AKAP13: variants seen among roughly 807,000 people sequenced by gnomAD.
AKAP13 encodes A-kinase anchor protein 13.
AKAP13 carries 80 observed loss-of-function variants against 264.5 expected under a neutral mutation model. That is an observed-to-expected ratio of 0.30 (90% CI 0.25 to 0.36). The LOEUF is 0.36. Among genes scored for constraint, AKAP13 ranks in the 10% least tolerant of loss-of-function variants. AKAP13 has a pLI of 1.00. For missense variants in AKAP13, 3,712 were observed against 3,435.2 expected (o/e 1.08, Z -2.01); for synonymous variants, 1,380 against 1,250.2 (o/e 1.10, Z -2.19).
chr15:85,643,260 G>C (rs1184518588), intron 9 of AKAP13, among the ~76,000 whole-genome samples: 1 of 148,744 alleles, frequency 6.7e-6, no homozygotes, highest in Non-Finnish European at 1.5e-5. Flanking sequence ...TCTGCTACAA[G>C]ACAGTAAACT....
At chr15:85,540,310 C>T (rs2077541363) in intron 4 of AKAP13, among the ~76,000 whole-genome samples, 1 of 152,164 alleles carries the variant, frequency 6.6e-6, no homozygotes. Context: ...GCTTTCAGAG[C>T]CTTCCAGTTG....
At chr15:85,556,880 G>A (rs1031937746) in intron 5 of AKAP13, among the ~76,000 whole-genome samples, 1 of 152,164 alleles carries the variant, frequency 6.6e-6, no homozygotes, top group African/African-American at 2.4e-5. Context: ...TCTACCATAA[G>A]CACCTGTTTT....
At chr15:85,458,379 A>ATTG in intron 1 of AKAP13, among the ~76,000 whole-genome samples, 1 of 107,530 alleles carries the variant, frequency 9.3e-6, no homozygotes, top group Non-Finnish European at 1.7e-5. Context: ...CTTTTTTTGT[A>ATTG]TTTTTTGTTT....
chr15:85,670,882 G>C (rs1407943691), intron 14 of AKAP13: 2 of 152,176 alleles, frequency 1.3e-5, no homozygotes, highest in African/African-American at 2.4e-5. Context: ...GCAGGGCCTT[G>C]TGATGCTCAA....
At chr15:85,652,037 A>G (rs893510682) in intron 10 of AKAP13, among the ~76,000 whole-genome samples, 2 of 152,256 alleles carry the variant, frequency 1.3e-5, no homozygotes, top group Non-Finnish European at 2.9e-5. Flanking sequence ...AATAATGAGT[A>G]TAAGAATATT....
At chr15:85,392,360 T>C (rs1463129880) in intron 1 of AKAP13, among the ~76,000 whole-genome samples, 3 of 150,528 alleles carry the variant, frequency 2.0e-5, no homozygotes, top group African/African-American at 7.3e-5. Context: ...GTTCAAGTGA[T>C]TCTCCTGCCT....
At chr15:85,483,640 A>AAAAAAAAAC (rs2075423498) in intron 1 of AKAP13, among the ~76,000 whole-genome samples, 1 of 147,168 alleles carries the variant, frequency 6.8e-6, no homozygotes, top group Non-Finnish European at 1.5e-5. Context: ...CTCAAAAAAA[A>AAAAAAAAAC]AAAAAAAAAA....
At chr15:85,483,627 C>A (rs1363544187) in intron 1 of AKAP13, among the ~76,000 whole-genome samples, 2 of 46,706 alleles carry the variant, frequency 4.3e-5, no homozygotes, top group African/African-American at 1.3e-4. Flanking sequence ...AGCGAGACTC[C>A]GTCTCAAAAA....
At chr15:85,552,617 G>C (rs1277126224) in intron 5 of AKAP13, among the ~76,000 whole-genome samples, 1 of 134,358 alleles carries the variant, frequency 7.4e-6, no homozygotes, top group Non-Finnish European at 1.6e-5. Context: ...ATTTATCATC[G>C]TTTTTTTGGC....
chr15:85,646,104 C>G (rs1318146181), intron 10 of AKAP13, 150 bp downstream of exon 10: 3 of 940,688 alleles, frequency 3.2e-6, no homozygotes, highest in Middle Eastern at 3.5e-4. Context: ...ATCCAGCTAG[C>G]CTTGTAGGGC....
At position 85,693,351 on chromosome 15, in the gene AKAP13, T is replaced by C; in HGVS notation, c.5364T>C (p.Thr1788=). The C allele has an allele frequency of 6.2e-7, 1 of 1,613,880 alleles. No individual in the cohort carries two copies. The highest frequency in any genetic ancestry group is 8.5e-7 in the Non-Finnish European group (1 of 1,179,944). Residue 1788 remains threonine (T), a synonymous_variant, in exon 17 of 37, where the codon ACT becomes ACC. Coordinates refer to ENST00000394518, the MANE Select transcript of AKAP13 (RefSeq NM_007200.5). The part of the protein sequence containing the change: ...DSKDKEKDKK[T]VNGHTFSSIP... ...AAGACAAGGAGAAAGATAAGAAGACTGTCAACGGGCACACTTTCAGTTCCA... is the reference window on the plus strand; with the variant it reads ...AAGACAAGGAGAAAGATAAGAAGACCGTCAACGGGCACACTTTCAGTTCCA...
At position 85,722,279 on chromosome 15, in the gene AKAP13, T is replaced by C. The variant is rs777668932; in HGVS notation, c.6428T>C (p.Ile2143Thr). Residue 2143 changes from isoleucine to threonine, a missense_variant, in exon 25 of 37, where the codon ATA becomes ACA. Around this residue, in one of 3 missense-constraint regions of AKAP13, gnomAD observed 342 missense variants for 484.3 expected, o/e 0.71. Transcript: ENST00000394518. ...AGAAGGCTTGGAATTCCAGAGTGCATATTGCTTGTAACTCAGCGGATTACC... is the reference window on the plus strand; with the variant it reads ...AGAAGGCTTGGAATTCCAGAGTGCACATTGCTTGTAACTCAGCGGATTACC... The part of the protein sequence containing the change: ...VVRRLGIPEC[I>T]LLVTQRITKY... 1.9e-6 allele frequency: 3 copies of C among 1,613,754 alleles called. No homozygotes were observed. The highest frequency in any genetic ancestry group is 3.3e-5 in the Admixed American group (2 of 59,930).
At chr15:85,452,840 C>A (rs544897123) in intron 1 of AKAP13, among the ~76,000 whole-genome samples, 3 of 152,312 alleles carry the variant, frequency 2.0e-5, no homozygotes, top group Admixed American at 1.3e-4. Flanking sequence ...ACATCCAGTA[C>A]AGCTCTGGGG....
chr15:85,650,783 A>AC (rs2082786576), intron 10 of AKAP13, among the ~76,000 whole-genome samples: 3 of 142,260 alleles, frequency 2.1e-5, no homozygotes, highest in East Asian at 4.2e-4. Flanking sequence ...AAAAAAAAAA[A>AC]AAAAAAACAA....
At chr15:85,686,698 C>T (rs1044674442) in intron 16 of AKAP13, among the ~76,000 whole-genome samples, 3 of 152,020 alleles carry the variant, frequency 2.0e-5, no homozygotes, top group African/African-American at 7.3e-5. Flanking sequence ...AGAGCCTTAC[C>T]TTTTTTACTT....
At chr15:85,433,490 C>A (rs1260342166) in intron 1 of AKAP13, among the ~76,000 whole-genome samples, 6 of 152,136 alleles carry the variant, frequency 3.9e-5, no homozygotes, top group Non-Finnish European at 5.9e-5. Flanking sequence ...GATACCACCT[C>A]ACATTCAGTG....
rs965295881 is a variant in AKAP13, at chr15:85,515,524, C to T, written c.34-5904C>T. Among the ~76,000 whole-genome samples the T allele has an allele frequency of 5.8e-5, 8 of 138,752 alleles. 1 individual carries two copies. Among genetic ancestry groups the T allele is most frequent in the African/African-American group, 2.9e-5 (1 of 34,614 alleles). The allele number at this position is 138,752 out of a possible 152,430, so 91.0% of individuals were successfully genotyped here. A position where few individuals can be genotyped will look rare whatever the true frequency, so the allele number is the denominator to read the frequency against. On this transcript the variant is annotated intron_variant, in intron 2 of 36. Coordinates refer to ENST00000394518, the MANE Select transcript of AKAP13 (RefSeq NM_007200.5). The stretch of plus-strand genomic sequence containing the variant: ...CTCATTCAGATTTTGCAAGTTGTCC[C>T]GATAATATCCTTAATAGCAGCTTGT...
At chr15:85,443,337 T>C (rs1185380729) in intron 1 of AKAP13, among the ~76,000 whole-genome samples, 4 of 152,184 alleles carry the variant, frequency 2.6e-5, no homozygotes, top group African/African-American at 9.7e-5. Flanking sequence ...GCTTAGAGTT[T>C]TAATAGGGAA....
chr15:85,454,236 C>G (rs1200273194), intron 1 of AKAP13, among the ~76,000 whole-genome samples: 1 of 152,194 alleles, frequency 6.6e-6, no homozygotes, highest in Non-Finnish European at 1.5e-5. Context: ...GCCCAAGTAT[C>G]TAAGGCTCCA....
Sources: gnomAD v4.1 joint callset for allele counts (sites outside exome capture counted in the v4.1 genomes callset) on GRCh38, gnomAD v4.1.1 for gene constraint, gnomAD v4.1.1 regional missense constraint, MANE v1.5 for transcripts, NCBI Gene and HGNC (gene_info 2026-07-23, HGNC 2026-07-21) for gene names.